Variants in SEMA6D observed in about 807,000 individuals in gnomAD.
SEMA6D encodes semaphorin-6D.
SEMA6D carries 35 observed loss-of-function variants against 106.6 expected under a neutral mutation model. The observed-to-expected ratio is 0.33, with a 90% CI of 0.25 to 0.44. The LOEUF (loss-of-function observed/expected upper bound fraction) is 0.44. Among genes scored for constraint, SEMA6D ranks in the 20% least tolerant of loss-of-function variants. The probability of loss-of-function intolerance (pLI) is 1.00; values close to 1 mark genes in which losing one functional copy is unlikely to be tolerated. For missense variants in SEMA6D, 1,185 were observed against 1,345.9 expected (o/e 0.88, Z 1.87); for synonymous variants, 499 against 487.7 (o/e 1.02, Z -0.31).
At chr15:47,428,956 C>G (rs2041435374) in intron 2 of SEMA6D, among the ~76,000 whole-genome samples, 1 of 144,690 alleles carries the variant, frequency 6.9e-6, no homozygotes. Context: ...AGGAAAGAAG[C>G]AAGGAAGGGC....
intron 4 of SEMA6D, among the ~76,000 whole-genome samples, chr15:47,666,321 C>T (rs1246244507): frequency 6.6e-6 from 1 of 152,164 alleles, no homozygotes; most frequent in African/African-American, 2.4e-5. Flanking sequence ...ATGGCAAGAG[C>T]CTTGCCCTAA....
chr15:47,297,945 G>A (rs1336608577), intron 1 of SEMA6D, among the ~76,000 whole-genome samples: 1 of 152,142 alleles, frequency 6.6e-6, no homozygotes, highest in Non-Finnish European at 1.5e-5. Flanking sequence ...TGAAATGAGG[G>A]ATAGAGGAGT....
chr15:47,640,272 G>A (rs909274986), intron 4 of SEMA6D, among the ~76,000 whole-genome samples: 4 of 152,262 alleles, frequency 2.6e-5, no homozygotes, highest in Non-Finnish European at 2.9e-5. Context: ...ACGAGTCCTC[G>A]CACCATCTGC....
intron 2 of SEMA6D, among the ~76,000 whole-genome samples, chr15:47,417,691 C>A (rs2041019288): frequency 6.6e-6 from 1 of 151,894 alleles, no homozygotes; most frequent in South Asian, 2.1e-4. Flanking sequence ...CTGTTGTATC[C>A]TTGGATCCCC....
chr15:47,321,205 A>T (rs1481214111), intron 1 of SEMA6D, among the ~76,000 whole-genome samples: 1 of 152,204 alleles, frequency 6.6e-6, no homozygotes, highest in African/African-American at 2.4e-5. Flanking sequence ...GGTAAAGAGT[A>T]TCTGGTACAG....
intron 3 of SEMA6D, among the ~76,000 whole-genome samples, chr15:47,498,251 T>C (rs2069334196): frequency 6.6e-6 from 1 of 152,076 alleles, no homozygotes; most frequent in Non-Finnish European, 1.5e-5. Context: ...TCATTTTAGG[T>C]TTTCACTTAG....
chr15:47,537,340 T>C (rs1596269605), intron 3 of SEMA6D, among the ~76,000 whole-genome samples: 3 of 152,174 alleles, frequency 2.0e-5, no homozygotes, highest in African/African-American at 7.2e-5. Context: ...TAAGGCAAGA[T>C]GCTGTTTAGT....
chr15:47,502,400 C>T (rs1179686620), intron 3 of SEMA6D, among the ~76,000 whole-genome samples: 2 of 152,182 alleles, frequency 1.3e-5, no homozygotes, highest in Non-Finnish European at 2.9e-5. Context: ...GAATCTGGCA[C>T]ATTCAGCTGC....
intron 3 of SEMA6D, among the ~76,000 whole-genome samples, chr15:47,556,296 G>A (rs946659010): frequency 4.6e-5 from 7 of 151,934 alleles, no homozygotes; most frequent in Non-Finnish European, 7.4e-5. Context: ...CCGATTCCCC[G>A]TATGCACCCA....
At chr15:47,528,295 A>G (rs2044831232) in intron 3 of SEMA6D, among the ~76,000 whole-genome samples, 1 of 152,186 alleles carries the variant, frequency 6.6e-6, no homozygotes, top group South Asian at 2.1e-4. Flanking sequence ...GAGAATTCCC[A>G]AGAAGAAAGC....
rs147558535 is a variant in SEMA6D, at chr15:47,764,443, G to A, written c.1097+138G>A. On this transcript the variant is annotated intron_variant, in intron 11 of 18. Coordinates refer to ENST00000536845, the MANE Select transcript of SEMA6D (RefSeq NM_001358351.3). ...CTCTCAGACAGAGCCAGCAGACATA[G>A]CCTTGTGACCTGCAAGCCCATGAGT... The A allele has an allele frequency of 1.6e-3, 2,033 of 1,278,988 alleles. 23 individuals are homozygous for A. The African/African-American group carries it at 0.028, about 18-fold the overall frequency. 79.2% of individuals were successfully genotyped at this position (1,278,988 alleles called of 1,614,324 possible).
chr15:47,475,355 A>G (rs2042974407), intron 3 of SEMA6D, among the ~76,000 whole-genome samples: 1 of 152,224 alleles, frequency 6.6e-6, no homozygotes, highest in Admixed American at 6.5e-5. Flanking sequence ...AAGGCCTAGA[A>G]TAGCTAAATC....
intron 3 of SEMA6D, among the ~76,000 whole-genome samples, chr15:47,599,161 A>G (rs1011380061): frequency 1.1e-4 from 16 of 152,160 alleles, no homozygotes; most frequent in African/African-American, 3.6e-4. Context: ...TTATGCACAT[A>G]CATTTAAATA....
At chr15:47,601,144 A>G (rs1350117241) in intron 4 of SEMA6D, among the ~76,000 whole-genome samples, 7 of 151,992 alleles carry the variant, frequency 4.6e-5, no homozygotes, top group African/African-American at 1.7e-4. Flanking sequence ...GTGTGTGTGT[A>G]TCTTTTTCTT....
chr15:47,646,085 A>G (rs544871220), intron 4 of SEMA6D, among the ~76,000 whole-genome samples: 1 of 152,168 alleles, frequency 6.6e-6, no homozygotes, highest in South Asian at 2.1e-4. Flanking sequence ...ATCATTGGCC[A>G]TTGAGGATCA....
At chr15:47,540,422 G>A (rs1349138994) in intron 3 of SEMA6D, among the ~76,000 whole-genome samples, 5 of 151,444 alleles carry the variant, frequency 3.3e-5, no homozygotes, top group South Asian at 2.1e-4. Flanking sequence ...AAGTTACTTC[G>A]TTAACTTGTA....
chr15:47,290,017 A>G (rs905284476), intron 1 of SEMA6D, among the ~76,000 whole-genome samples: 4 of 152,130 alleles, frequency 2.6e-5, no homozygotes, highest in African/African-American at 9.7e-5. Context: ...AAGTAAAGAA[A>G]AACTTCCAGG....
chr15:47,318,371 C>A (rs1476671226), intron 1 of SEMA6D, among the ~76,000 whole-genome samples: 1 of 133,314 alleles, frequency 7.5e-6, no homozygotes, highest in Non-Finnish European at 1.6e-5. Flanking sequence ...TACCCACTAA[C>A]TCGTCATCTA....
At chr15:47,335,281 G>A (rs1458297843) in intron 1 of SEMA6D, among the ~76,000 whole-genome samples, 1 of 152,152 alleles carries the variant, frequency 6.6e-6, no homozygotes, top group Non-Finnish European at 1.5e-5. Flanking sequence ...TTTAAATGCT[G>A]CAGAGAAGAA....
Sources: gnomAD v4.1 joint callset for allele counts (sites outside exome capture counted in the v4.1 genomes callset) on GRCh38, gnomAD v4.1.1 for gene constraint, MANE v1.5 for transcripts, NCBI Gene and HGNC (gene_info 2026-07-23, HGNC 2026-07-21) for gene names.